Variants in TRPM3 observed in about 807,000 individuals in gnomAD.
TRPM3 encodes long transient receptor potential channel 3.
TRPM3 carries 77 observed loss-of-function variants against 181.2 expected under a neutral mutation model. That is an observed-to-expected ratio of 0.42 (90% CI 0.35 to 0.51). The LOEUF is 0.51. Among genes scored for constraint, TRPM3 ranks in the 20% least tolerant of loss-of-function variants. The pLI, the probability that TRPM3 is intolerant of heterozygous loss-of-function variation, is 0.01. For missense variants in TRPM3, 1,759 were observed against 2,196.7 expected, an observed-to-expected ratio of 0.80 and a Z score of 3.98; for synonymous variants, 745 against 796.4, an observed-to-expected ratio of 0.94 and a Z score of 1.09.
At chr9:70,560,352 C>G (rs142476766) in intron 22 of TRPM3, among the ~76,000 whole-genome samples, 1 of 152,290 alleles carries the variant, frequency 6.6e-6, no homozygotes, top group Non-Finnish European at 1.5e-5. Context: ...CTCTGTCTGA[C>G]CCTGAAGTCT....
chr9:70,946,767 A>G (rs1321529946), intron 1 of TRPM3, among the ~76,000 whole-genome samples: 1 of 152,074 alleles, frequency 6.6e-6, no homozygotes, highest in Non-Finnish European at 1.5e-5. Flanking sequence ...AGTATTCAAC[A>G]TCTTAACTTG....
chr9:71,262,286 C>T (rs776159327), intron 1 of TRPM3, among the ~76,000 whole-genome samples: 4 of 152,104 alleles, frequency 2.6e-5, no homozygotes, highest in East Asian at 1.9e-4. Flanking sequence ...CCAACCTGTC[C>T]GGACTTCCCA....
chr9:71,177,252 A>T (rs915219270), intron 1 of TRPM3, among the ~76,000 whole-genome samples: 1 of 152,112 alleles, frequency 6.6e-6, no homozygotes, highest in Non-Finnish European at 1.5e-5. Flanking sequence ...CTGATTCTAC[A>T]TTATGATGAG....
At chr9:70,833,300 T>C (rs2094076965) in intron 5 of TRPM3, among the ~76,000 whole-genome samples, 2 of 152,202 alleles carry the variant, frequency 1.3e-5, no homozygotes, top group Admixed American at 1.3e-4. Flanking sequence ...ACGTCAGGTT[T>C]TTGTGCCATC....
chr9:71,096,123 T>C (rs1175849592), intron 1 of TRPM3, among the ~76,000 whole-genome samples: 1 of 151,948 alleles, frequency 6.6e-6, no homozygotes, highest in Admixed American at 6.6e-5. Flanking sequence ...TTAAGTGAAG[T>C]TAATGTTTCA....
intron 1 of TRPM3, among the ~76,000 whole-genome samples, chr9:71,327,016 C>T (rs953447528): frequency 2.6e-5 from 4 of 152,162 alleles, no homozygotes; most frequent in Non-Finnish European, 5.9e-5. Flanking sequence ...ACTGATCAAC[C>T]ATGTGTGCTT....
At chr9:71,277,531 C>A (rs1329952424) in intron 1 of TRPM3, among the ~76,000 whole-genome samples, 1 of 151,990 alleles carries the variant, frequency 6.6e-6, no homozygotes, top group East Asian at 1.9e-4. Flanking sequence ...TCAAAGGAGT[C>A]TAATTTTTTT....
intron 25 of TRPM3, among the ~76,000 whole-genome samples, chr9:70,547,949 C>T (rs559873492): frequency 3.9e-5 from 6 of 152,342 alleles, no homozygotes; most frequent in East Asian, 1.9e-4. Context: ...AATTTATTCA[C>T]GTGTGCTGGT....
chr9:71,063,444 A>G (rs763227716), intron 1 of TRPM3, among the ~76,000 whole-genome samples: 2 of 152,156 alleles, frequency 1.3e-5, no homozygotes, highest in Non-Finnish European at 2.9e-5. Context: ...CGCATGTTAC[A>G]ATATAATGAA....
At chr9:71,124,288 T>G (rs1242106042), upstream of TRPM3, among the ~76,000 whole-genome samples, 4 of 150,566 alleles carry the variant, frequency 2.7e-5, no homozygotes, top group African/African-American at 7.4e-5. Context: ...TCCCCAGTTT[T>G]AGAGAGAGGT....
Position 71,121,408 on chromosome 9 carries a change from C to A in TRPM3, c.-54G>T. ...CCATTAGGGCAGAGGCTTCCTGGAA[C>A]TTGGAAGACTAGTCAAGTAGCCTTG... On this transcript the variant is annotated 5_prime_UTR_variant, in exon 1 of 26. Coordinates refer to ENST00000677713, the MANE Select transcript of TRPM3 (RefSeq NM_001366145.2). The A allele has an allele frequency of 6.3e-7, 1 of 1,581,984 alleles. No individual in the cohort carries two copies. Among genetic ancestry groups the A allele is most frequent in the Non-Finnish European group, 8.6e-7 (1 of 1,165,506 alleles).
intron 8 of TRPM3, 92 bp from the exon 9 acceptor site, chr9:70,681,670 T>A: frequency 9.5e-7 from 1 of 1,057,014 alleles, no homozygotes; most frequent in Non-Finnish European, 1.5e-6. Flanking sequence ...AGACTATCTC[T>A]ATATCTACAA....
At chr9:71,382,415 C>A (rs965408977) in intron 1 of TRPM3, among the ~76,000 whole-genome samples, 1 of 152,174 alleles carries the variant, frequency 6.6e-6, no homozygotes, top group African/African-American at 2.4e-5. Context: ...AGGTTAAAAT[C>A]TAAATCATGC....
chr9:71,275,185 A>G (rs1200958455), intron 1 of TRPM3, among the ~76,000 whole-genome samples: 1 of 152,242 alleles, frequency 6.6e-6, no homozygotes, highest in Non-Finnish European at 1.5e-5. Flanking sequence ...TGACTTATTA[A>G]CACAATTAGC....
At chr9:71,219,380 T>C (rs1012340009) in intron 1 of TRPM3, among the ~76,000 whole-genome samples, 1 of 152,206 alleles carries the variant, frequency 6.6e-6, no homozygotes, top group African/African-American at 2.4e-5. Flanking sequence ...CTGTAGTAAG[T>C]TTTGGTGACA....
intron 1 of TRPM3, among the ~76,000 whole-genome samples, chr9:71,366,157 G>A (rs1467346366): frequency 6.6e-6 from 1 of 152,070 alleles, no homozygotes; most frequent in Admixed American, 6.6e-5. Context: ...AGTACAAGAG[G>A]TAACTTAAAA....
intron 8 of TRPM3, among the ~76,000 whole-genome samples, chr9:70,685,756 C>T (rs937768082): frequency 6.6e-6 from 1 of 152,102 alleles, no homozygotes; most frequent in African/African-American, 2.4e-5. Context: ...ATTATCCATT[C>T]ATTTCTTCTA....
rs1587914180 is a variant in TRPM3, at chr9:70,529,697, C to T, written c.*6256G>A. ...AAGGCGAGTTTCTTTTCCCCCCTCT[C>T]GGTTCTCAGTGTATTTTGTGTGTAC... On this transcript the variant is annotated 3_prime_UTR_variant, in exon 26 of 26. Coordinates refer to ENST00000677713, the MANE Select transcript of TRPM3 (RefSeq NM_001366145.2). The T allele has an allele frequency of 6.6e-6, 1 of 152,164 alleles. No individual in the cohort carries two copies. The highest frequency in any genetic ancestry group is 6.5e-5 in the Admixed American group (1 of 15,268). The allele number at this position is 152,164 out of a possible 1,614,324, so 9.4% of individuals were successfully genotyped here. A position where few individuals can be genotyped will look rare whatever the true frequency, so the allele number is the denominator to read the frequency against.
upstream of TRPM3, among the ~76,000 whole-genome samples, chr9:71,126,174 A>G (rs574802098): frequency 1.1e-4 from 16 of 152,324 alleles, no homozygotes; most frequent in Admixed American, 1.0e-3. Flanking sequence ...CAAAACCACA[A>G]TGAGATACCA....
Sources: gnomAD v4.1 joint callset for allele counts (sites outside exome capture counted in the v4.1 genomes callset) on GRCh38, gnomAD v4.1.1 for gene constraint, MANE v1.5 for transcripts, NCBI Gene and HGNC (gene_info 2026-07-23, HGNC 2026-07-21) for gene names.